Variants in PPM1L observed in about 807,000 individuals in gnomAD.
The protein encoded by PPM1L is protein phosphatase, Mg2+/Mn2+ dependent 1L, also known as protein phosphatase 1L.
PPM1L carries 13 observed loss-of-function variants against 31.4 expected under a neutral mutation model. That is an observed-to-expected ratio of 0.41 (90% CI 0.27 to 0.66). The LOEUF (loss-of-function observed/expected upper bound fraction) is 0.66. PPM1L is among the 30% of genes least tolerant of loss of function. PPM1L has a pLI of 0.29. For missense variants in PPM1L, 326 were observed against 453.7 expected, an observed-to-expected ratio of 0.72 and a Z score of 2.56; for synonymous variants, 184 against 175.4, an observed-to-expected ratio of 1.05 and a Z score of -0.39.
intron 1 of PPM1L, among the ~76,000 whole-genome samples, chr3:160,902,861 C>G (rs1713592958): frequency 6.6e-6 from 1 of 152,086 alleles, no homozygotes; most frequent in African/African-American, 2.4e-5. Context: ...GTTTATCTAG[C>G]TCGACTAACA....
intron 2 of PPM1L, among the ~76,000 whole-genome samples, chr3:160,990,228 C>G (rs1717088589): frequency 6.6e-6 from 1 of 152,004 alleles, no homozygotes; most frequent in Admixed American, 6.6e-5. Context: ...TCTCAAACTC[C>G]TGGGCGCAAA....
chr3:160,780,929 A>G (rs915122827), intron 1 of PPM1L, among the ~76,000 whole-genome samples: 3 of 152,206 alleles, frequency 2.0e-5, no homozygotes, highest in Admixed American at 1.3e-4. Context: ...GCATTGTGGT[A>G]TTTTATGAAG....
intron 2 of PPM1L, among the ~76,000 whole-genome samples, chr3:161,050,596 C>T (rs1437364941): frequency 6.6e-6 from 1 of 151,798 alleles, no homozygotes; most frequent in Non-Finnish European, 1.5e-5. Context: ...AGTAAAAATG[C>T]TAATGTAATA....
intron 2 of PPM1L, among the ~76,000 whole-genome samples, chr3:161,043,358 CAT>C (rs1374186956): frequency 6.6e-6 from 1 of 152,180 alleles, no homozygotes; most frequent in Non-Finnish European, 1.5e-5. Flanking sequence ...CCTATTTAAT[CAT>C]AGAATCTCCT....
At chr3:160,783,921 T>A (rs959061288) in intron 1 of PPM1L, among the ~76,000 whole-genome samples, 5 of 152,200 alleles carry the variant, frequency 3.3e-5, no homozygotes, top group African/African-American at 1.2e-4. Context: ...AGTAGTAAGA[T>A]TTTTGAAGAT....
At chr3:160,834,147 C>T (rs1713618846) in intron 1 of PPM1L, among the ~76,000 whole-genome samples, 1 of 151,756 alleles carries the variant, frequency 6.6e-6, no homozygotes, top group Admixed American at 6.6e-5. Flanking sequence ...CCTCAGCCTC[C>T]CAAGTAGCTG....
chr3:160,778,124 G>A (rs1463452623), intron 1 of PPM1L, among the ~76,000 whole-genome samples: 1 of 152,014 alleles, frequency 6.6e-6, no homozygotes, highest in Admixed American at 6.6e-5. Context: ...GTGTAACTGA[G>A]CATTTTTTAT....
intron 2 of PPM1L, among the ~76,000 whole-genome samples, chr3:160,978,522 C>T (rs78130354): frequency 0.047 from 7,195 of 152,162 alleles, 425 homozygotes; most frequent in African/African-American, 0.12. Context: ...TCATTTCTTG[C>T]ATAACAACCA....
At chr3:160,811,763 A>G (rs1442221482) in intron 1 of PPM1L, among the ~76,000 whole-genome samples, 4 of 152,208 alleles carry the variant, frequency 2.6e-5, no homozygotes, top group African/African-American at 9.7e-5. Context: ...TCTAAGCCCC[A>G]GAGTCCTCAG....
chr3:161,062,460 C>T (rs137980427), intron 2 of PPM1L, among the ~76,000 whole-genome samples: 293 of 152,200 alleles, frequency 1.9e-3, no homozygotes, highest in African/African-American at 6.7e-3. Context: ...AAGAACCTAT[C>T]ACCTACCCTC....
chr3:160,930,510 A>G (rs959446730), intron 1 of PPM1L, among the ~76,000 whole-genome samples: 5 of 152,196 alleles, frequency 3.3e-5, no homozygotes, highest in African/African-American at 1.2e-4. Flanking sequence ...CACAGCTTCC[A>G]ATTTGTACTG....
chr3:160,896,885 A>G (rs1049275213), intron 1 of PPM1L, among the ~76,000 whole-genome samples: 6 of 152,190 alleles, frequency 3.9e-5, no homozygotes, highest in African/African-American at 1.4e-4. Context: ...ATGGCCAAGT[A>G]GAAATAGCAC....
chr3:160,776,280 A>G (rs978909941), intron 1 of PPM1L, among the ~76,000 whole-genome samples: 8 of 151,782 alleles, frequency 5.3e-5, no homozygotes, highest in Admixed American at 3.9e-4. Context: ...CTACTTCTTA[A>G]CTCCTTCATC....
chr3:160,824,607 G>T lies in PPM1L; in HGVS notation c.399+67900G>T, dbSNP rs1344344572. On this transcript the variant is annotated intron_variant, in intron 1 of 3. Transcript: ENST00000498165. ...CAGTTGCAGGCCCTTGGGCATGAGG[G>T]GTGCCATATGAGAGAATACGGATGG... 2.0e-5 allele frequency among the ~76,000 whole-genome samples: 3 copies of T among 152,182 alleles called. No individual in the cohort carries two copies. The East Asian group carries it at 5.8e-4, about 29-fold the overall frequency.
intron 1 of PPM1L, among the ~76,000 whole-genome samples, chr3:160,774,397 C>G (rs1022967660): frequency 3.9e-5 from 6 of 152,176 alleles, no homozygotes; most frequent in Non-Finnish European, 8.8e-5. Context: ...CTCATGGTCA[C>G]TTTGTCTCTG....
intron 1 of PPM1L, among the ~76,000 whole-genome samples, chr3:160,801,679 C>T (rs955561817): frequency 6.6e-6 from 1 of 152,144 alleles, no homozygotes; most frequent in Non-Finnish European, 1.5e-5. Context: ...CAGGGGACTT[C>T]TGCAGTTTTT....
chr3:160,756,323 A>G lies in PPM1L; in HGVS notation c.15A>G (p.Thr5=). Residue 5 remains threonine (T), a synonymous_variant, in exon 1 of 4, where the codon ACA becomes ACG. Transcript: ENST00000498165. This position sits in a 1 kb window ranked among gnomAD's most constrained non-coding sequence, Gnocchi z 6.2. MIED[T]MTLLSLLGRI... is the part of the protein sequence containing the mutation. ...AGCGATAATAAATGATAGAGGATAC[A>G]ATGACTTTGCTGTCTCTGCTGGGTC... 6.2e-7 allele frequency: 1 copy of G among 1,613,342 alleles called. No individual in the cohort carries two copies. The highest frequency in any genetic ancestry group is 8.5e-7 in the Non-Finnish European group (1 of 1,179,408).
intron 1 of PPM1L, among the ~76,000 whole-genome samples, chr3:160,944,730 CATGTT>C (rs1715268954): frequency 2.0e-5 from 2 of 98,952 alleles, no homozygotes; most frequent in Non-Finnish European, 4.8e-5. Flanking sequence ...TTATATATAA[CATGTT>C]ATATATTATA....
At chr3:160,767,237 C>CT (rs534238505) in intron 1 of PPM1L, among the ~76,000 whole-genome samples, 5,633 of 143,118 alleles carry the variant, frequency 0.039, 167 homozygotes, top group African/African-American at 0.083. Flanking sequence ...GTCTTAGTTT[C>CT]TTTTTTTTTT....
Sources: gnomAD v4.1 joint callset for allele counts (sites outside exome capture counted in the v4.1 genomes callset) on GRCh38, gnomAD v4.1.1 for gene constraint, Gnocchi (gnomAD v3.1) non-coding constraint, MANE v1.5 for transcripts, NCBI Gene and HGNC (gene_info 2026-07-23, HGNC 2026-07-21) for gene names.